Variants in PIAS1 observed in about 807,000 individuals in gnomAD.
PIAS1 encodes the protein protein inhibitor of activated STAT 1, also known as E3 SUMO-protein ligase PIAS1.
PIAS1 carries 6 observed loss-of-function variants against 71.3 expected under a neutral mutation model. That is an observed-to-expected ratio of 0.08 (90% CI 0.05 to 0.17). PIAS1 has a LOEUF of 0.17. PIAS1 is among the 10% of genes least tolerant of loss of function. PIAS1 has a pLI of 1.00. For synonymous variants in PIAS1, 303 were observed against 292.9 expected, an observed-to-expected ratio of 1.03 and a Z score of -0.35; for missense variants, 555 against 793.6, an observed-to-expected ratio of 0.70 and a Z score of 3.61.
chr15:68,063,816 TG>T (rs956110501), intron 1 of PIAS1, among the ~76,000 whole-genome samples: 4 of 152,040 alleles, frequency 2.6e-5, no homozygotes, highest in Non-Finnish European at 5.9e-5. Context: ...GCAAAATCAG[TG>T]GTGGGTAAAA....
rs577644423 is a variant in PIAS1 at position 68,174,957 on chromosome 15, CT to C, written c.1170-677del. 1.1e-4 allele frequency among the ~76,000 whole-genome samples: 17 copies of C among 152,090 alleles called. No individual in the cohort carries two copies. Among genetic ancestry groups the C allele is most frequent in the Admixed American group, 2.6e-4 (4 of 15,266 alleles). On this transcript the variant is annotated intron_variant, in intron 9 of 13. Coordinates refer to ENST00000249636, the MANE Select transcript of PIAS1 (RefSeq NM_016166.3). This position sits in a 1 kb window ranked among gnomAD's most constrained non-coding sequence, Gnocchi z 4.0. ...TTTTCCAACTTTATATGTTACATAG[CT>C]TTAGGTTCTCCCATTTCTTGTTATA... is the stretch of plus-strand genomic sequence containing the variant.
rs1421704916 is a variant in PIAS1 at position 68,146,631 on chromosome 15, C to G, written c.759C>G (p.Thr253=). Residue 253 remains threonine, a synonymous_variant, in exon 6 of 14, where the codon ACC becomes ACG. Coordinates refer to ENST00000249636, the MANE Select transcript of PIAS1 (RefSeq NM_016166.3). ...PKRPSRPINI[T]SLVRLSTTVP... ...GACCCAGCCGACCAATTAATATCAC[C>G]TCACTTGTCCGACTGTCCACAACAG... The G allele has an allele frequency of 6.2e-7, 1 of 1,613,160 alleles. No homozygotes were observed. The highest frequency in any genetic ancestry group is 8.5e-7 in the Non-Finnish European group (1 of 1,179,204).
chr15:68,127,506 GGATGCGTTTTTCT>G (rs1245561047), intron 2 of PIAS1, among the ~76,000 whole-genome samples: 2 of 152,114 alleles, frequency 1.3e-5, no homozygotes, highest in Non-Finnish European at 2.9e-5. Flanking sequence ...TGCTAGTTGA[GGATGCGTTTTTCT>G]TTGGTAACTT....
chr15:68,152,181 C>G (rs2092852149), intron 6 of PIAS1, among the ~76,000 whole-genome samples: 1 of 151,874 alleles, frequency 6.6e-6, no homozygotes, highest in Non-Finnish European at 1.5e-5. Flanking sequence ...GATCTCCTGA[C>G]CTCGTGACCT....
At chr15:68,181,439 A>G (rs997452461) in intron 12 of PIAS1, 85 bp downstream of exon 12, 5 of 1,348,554 alleles carry the variant, frequency 3.7e-6, no homozygotes, top group Non-Finnish European at 5.2e-6. Flanking sequence ...AATCTAAGGA[A>G]GAACTGGAAG....
chr15:68,127,432 C>T (rs747716683), intron 2 of PIAS1, among the ~76,000 whole-genome samples: 5 of 152,146 alleles, frequency 3.3e-5, no homozygotes, highest in Admixed American at 2.6e-4. Context: ...ATTCTGTTAG[C>T]CCCACTTGTA....
chr15:68,187,944 CGT>C lies in PIAS1; in HGVS notation c.*112_*113del. On this transcript the variant is annotated 3_prime_UTR_variant, in exon 14 of 14. Transcript: ENST00000249636. The surrounding 1 kb of genome is among the most constrained non-coding windows in gnomAD (Gnocchi z 5.3). The stretch of plus-strand genomic sequence containing the variant: ...TACTCTGTTTAGAAAAGTATACAAG[CGT>C]GTTTTTTTTCCTTTTTTTAGGGAAA... 1 of 1,018,976 alleles carries C rather than the reference CGT, an allele frequency of 9.8e-7. No individual in the cohort carries two copies. The highest frequency in any genetic ancestry group is 1.4e-6 in the Non-Finnish European group (1 of 714,906). The allele number at this position is 1,018,976 out of a possible 1,614,324, so 63.1% of individuals were successfully genotyped here. A position where few individuals can be genotyped will look rare whatever the true frequency, so the allele number is the denominator to read the frequency against.
At position 68,190,994 on chromosome 15, in the gene PIAS1, A is replaced by G. The variant is rs1274689400; in HGVS notation, c.*3159A>G. On this transcript the variant is annotated 3_prime_UTR_variant, in exon 14 of 14. Coordinates refer to ENST00000249636, the MANE Select transcript of PIAS1 (RefSeq NM_016166.3). The surrounding 1 kb of genome is among the most constrained non-coding windows in gnomAD (Gnocchi z 4.7). ...TGTGGAAAGAGCATTTTTTTAGACAATTTCAATTTTAAACACATAAAACTT... is the reference window on the plus strand; with the variant it reads ...TGTGGAAAGAGCATTTTTTTAGACAGTTTCAATTTTAAACACATAAAACTT... 3 of 152,272 alleles carry G rather than the reference A, an allele frequency of 2.0e-5. No homozygotes were observed. The highest frequency in any genetic ancestry group is 7.2e-5 in the African/African-American group (3 of 41,452). The allele number at this position is 152,272 out of a possible 1,614,324, so 9.4% of individuals were successfully genotyped here.
rs2093113933 is a variant in PIAS1 at position 68,190,464 on chromosome 15, CAT to C, written c.*2631_*2632del. 6.6e-6 allele frequency: 1 copy of C among 152,152 alleles called. No individual in the cohort carries two copies. The highest frequency in any genetic ancestry group is 6.6e-5 in the Admixed American group (1 of 15,262). The allele number at this position is 152,152 out of a possible 1,614,324, so 9.4% of individuals were successfully genotyped here. On this transcript the variant is annotated 3_prime_UTR_variant, in exon 14 of 14. Transcript: ENST00000249636. This position sits in a 1 kb window ranked among gnomAD's most constrained non-coding sequence, Gnocchi z 4.7. Reference sequence around the variant, plus strand: ...TAACTACTAAGTTTAAAGAAAAGCACATAGTCACTTCATCTCTTTTTTTCTTA... The same window carrying C: ...TAACTACTAAGTTTAAAGAAAAGCACAGTCACTTCATCTCTTTTTTTCTTA...
In PIAS1 at chr15:68,083,630, A is replaced by C. The variant is rs530219834; in HGVS notation, c.25-2676A>C. On this transcript the variant is annotated intron_variant, in intron 1 of 13. Transcript: ENST00000249636. ...TTAATGTCAACATATTATAGCATGAAAGAAAGTACATTTGGAGTAGAACCA... is the reference window on the plus strand; with the variant it reads ...TTAATGTCAACATATTATAGCATGACAGAAAGTACATTTGGAGTAGAACCA... 3.3e-5 allele frequency among the ~76,000 whole-genome samples: 5 copies of C among 152,238 alleles called. No individual in the cohort carries two copies. In the East Asian group the frequency reaches 9.6e-4, roughly 29 times the overall value.
chr15:68,080,454 A>G (rs189331030), intron 1 of PIAS1, among the ~76,000 whole-genome samples: 17 of 152,334 alleles, frequency 1.1e-4, no homozygotes, highest in African/African-American at 4.1e-4. Flanking sequence ...CAAAATAGAT[A>G]AAAGTTGAGA....
rs921260732 is a variant in PIAS1 at position 68,192,583 on chromosome 15, A to T, written c.*4748A>T. 6.6e-6 allele frequency: 1 copy of T among 152,166 alleles called. No homozygotes were observed. Among genetic ancestry groups the T allele is most frequent in the Non-Finnish European group, 1.5e-5 (1 of 68,028 alleles). 9.4% of individuals were successfully genotyped at this position (152,166 alleles called of 1,614,324 possible). A position where few individuals can be genotyped will look rare whatever the true frequency, so the allele number is the denominator to read the frequency against. Reference sequence around the variant, plus strand: ...TTGCAGTTATGCTTGGGGAAATGAGAGTCTCCTTCCTCAGGGCCTTGTTTG... The same window carrying T: ...TTGCAGTTATGCTTGGGGAAATGAGTGTCTCCTTCCTCAGGGCCTTGTTTG... On this transcript the variant is annotated 3_prime_UTR_variant, in exon 14 of 14. Transcript: ENST00000249636.
At chr15:68,144,136 AG>A (rs1408981776) in intron 4 of PIAS1, among the ~76,000 whole-genome samples, 6 of 147,734 alleles carry the variant, frequency 4.1e-5, no homozygotes, top group African/African-American at 1.5e-4. Context: ...AAAAAAAAAA[AG>A]AACCATGTTG....
chr15:68,072,194 C>T (rs1291514240), intron 1 of PIAS1, among the ~76,000 whole-genome samples: 3 of 151,220 alleles, frequency 2.0e-5, no homozygotes, highest in African/African-American at 7.3e-5. Context: ...GTCAGGAGAT[C>T]GAGACCATCC....
chr15:68,144,856 A>G (rs568819679), intron 4 of PIAS1, among the ~76,000 whole-genome samples: 1 of 152,278 alleles, frequency 6.6e-6, no homozygotes, highest in Non-Finnish European at 1.5e-5. Flanking sequence ...AAATTGTTTT[A>G]TATTGTGCAC....
intron 2 of PIAS1, among the ~76,000 whole-genome samples, chr15:68,133,291 G>T (rs1003755790): frequency 1.3e-5 from 2 of 151,952 alleles, no homozygotes; most frequent in Non-Finnish European, 2.9e-5. Context: ...AATGGACACA[G>T]GTGCAATAGT....
intron 1 of PIAS1, among the ~76,000 whole-genome samples, chr15:68,085,412 G>A (rs920546652): frequency 1.3e-5 from 2 of 152,176 alleles, no homozygotes; most frequent in Admixed American, 6.5e-5. Context: ...ATAAGTTTGC[G>A]AACATAGGTA....
At chr15:68,141,336 C>T (rs1361599544) in intron 2 of PIAS1, among the ~76,000 whole-genome samples, 4 of 152,104 alleles carry the variant, frequency 2.6e-5, no homozygotes, top group African/African-American at 9.7e-5. Context: ...TCTTCCCCTC[C>T]CTTCCTTCCT....
At chr15:68,180,324 T>C (rs766050124) in intron 11 of PIAS1, among the ~76,000 whole-genome samples, 3 of 152,140 alleles carry the variant, frequency 2.0e-5, no homozygotes, top group Non-Finnish European at 4.4e-5. Flanking sequence ...GGGCAACTTC[T>C]GGGCTGAAAC....
Sources: gnomAD v4.1 joint callset for allele counts (sites outside exome capture counted in the v4.1 genomes callset) on GRCh38, gnomAD v4.1.1 for gene constraint, Gnocchi (gnomAD v3.1) non-coding constraint, MANE v1.5 for transcripts, NCBI Gene and HGNC (gene_info 2026-07-23, HGNC 2026-07-21) for gene names.